The following ARHGEF3 variants were observed in gnomAD, a reference collection of about 807,000 sequenced individuals.
ARHGEF3 encodes the protein Rho guanine nucleotide exchange factor 3.
A neutral mutation model predicts 63.2 loss-of-function variants in ARHGEF3; 28 were observed. That is an observed-to-expected ratio of 0.44 (90% confidence interval 0.33 to 0.61). The LOEUF (loss-of-function observed/expected upper bound fraction) is 0.61. Ranked by LOEUF, ARHGEF3 falls within the 20% of genes least tolerant of loss-of-function variation. The pLI is 0.03. For synonymous variants in ARHGEF3, 266 were observed against 254.2 expected, an observed-to-expected ratio of 1.05 and a Z score of -0.44; for missense variants, 533 against 659.3, an observed-to-expected ratio of 0.81 and a Z score of 2.10.
chr3:56,738,651 G>C (rs1479181650), intron 7 of ARHGEF3, among the ~76,000 whole-genome samples: 1 of 152,216 alleles, frequency 6.6e-6, no homozygotes, highest in African/African-American at 2.4e-5. Context: ...GGTGGATGCA[G>C]TGTTGTCAAT....
intron 4 of ARHGEF3, among the ~76,000 whole-genome samples, chr3:56,809,524 A>G (rs1052284624): frequency 2.0e-5 from 3 of 152,096 alleles, no homozygotes; most frequent in Non-Finnish European, 4.4e-5. Context: ...CTCACTGAAG[A>G]TTTTGCAGTA....
chr3:56,823,987 A>G (rs1317959118), intron 4 of ARHGEF3, among the ~76,000 whole-genome samples: 6 of 3,054 alleles, frequency 2.0e-3, no homozygotes, highest in Non-Finnish European at 7.2e-3. Flanking sequence ...TGAGGAAAGG[A>G]AAAAAAAAAA....
chr3:57,047,012 C>A (rs1345730658), intron 1 of ARHGEF3, among the ~76,000 whole-genome samples: 1 of 152,146 alleles, frequency 6.6e-6, no homozygotes, highest in African/African-American at 2.4e-5. Flanking sequence ...ATTGCAAAAA[C>A]ATTTACAACA....
At chr3:56,769,196 A>G (rs2035875872) in intron 2 of ARHGEF3, among the ~76,000 whole-genome samples, 1 of 152,234 alleles carries the variant, frequency 6.6e-6, no homozygotes, top group Non-Finnish European at 1.5e-5. Context: ...ATTCCATAGC[A>G]TGTGCTGAAC....
At chr3:57,046,553 T>C (rs915919110) in intron 1 of ARHGEF3, among the ~76,000 whole-genome samples, 6 of 152,252 alleles carry the variant, frequency 3.9e-5, no homozygotes, top group Admixed American at 3.3e-4. Flanking sequence ...GGGAAAATCC[T>C]GCAGAGTTCA....
intron 4 of ARHGEF3, among the ~76,000 whole-genome samples, chr3:56,807,093 C>T (rs887422815): frequency 6.6e-6 from 1 of 152,092 alleles, no homozygotes; most frequent in Non-Finnish European, 1.5e-5. Context: ...CCATGTTGGC[C>T]AGGCTGGTCT....
chr3:57,020,243 G>T (rs6777008), intron 2 of ARHGEF3, among the ~76,000 whole-genome samples: 54,442 of 152,016 alleles, frequency 0.36, 10,520 homozygotes, highest in African/African-American at 0.5. Flanking sequence ...AAATCCTGAT[G>T]CTGTCACTGA....
At chr3:56,872,972 T>C (rs921790880) in intron 4 of ARHGEF3, among the ~76,000 whole-genome samples, 1 of 152,150 alleles carries the variant, frequency 6.6e-6, no homozygotes, top group Admixed American at 6.5e-5. Context: ...CTAAGTACTT[T>C]ACATAAATTA....
intron 1 of ARHGEF3, among the ~76,000 whole-genome samples, chr3:57,076,242 T>G (rs1470243789): frequency 4.7e-5 from 7 of 148,678 alleles, no homozygotes; most frequent in African/African-American, 1.7e-4. Context: ...TAACTTGGCC[T>G]TGAAGGGTTA....
chr3:56,953,534 C>T (rs919654504), intron 3 of ARHGEF3, among the ~76,000 whole-genome samples: 5 of 152,198 alleles, frequency 3.3e-5, no homozygotes, highest in Non-Finnish European at 7.4e-5. Context: ...CCCTTCCCCA[C>T]CTCAAGTGGC....
At position 56,801,722 on chromosome 3, in the gene ARHGEF3, C is replaced by T. The variant is rs775285206; in HGVS notation, c.77G>A (p.Gly26Asp). 1 of 1,563,158 alleles carries T rather than the reference C, an allele frequency of 6.4e-7. No individual in the cohort carries two copies. Among genetic ancestry groups the T allele is most frequent in the Non-Finnish European group, 8.7e-7 (1 of 1,152,544 alleles). The change falls in exon 1 of 10, where the codon GGT becomes GAT. Residue 26 changes from glycine to aspartate, a missense_variant. Gly to Asp is a moderately conservative substitution (Grantham distance 94). Coordinates refer to ENST00000296315, the MANE Select transcript of ARHGEF3 (RefSeq NM_019555.3). ...NCSLELPPAS[G>D]PAKDAEEPSN... ...CCCTACCTCAGCGTCCTTGGCCGGA[C>T]CGCTGGCCGGGGGTAGCTCCAGGCT... is the stretch of plus-strand genomic sequence containing the variant.
At chr3:57,075,318 C>T (rs1228059812) in intron 1 of ARHGEF3, 1 of 167,156 alleles carries the variant, frequency 6.0e-6, no homozygotes, top group South Asian at 2.1e-4. Flanking sequence ...GTAAACTCCA[C>T]AAGGGAGGAA....
intron 4 of ARHGEF3, among the ~76,000 whole-genome samples, chr3:56,807,861 T>C (rs2037918281): frequency 6.6e-6 from 1 of 152,102 alleles, no homozygotes; most frequent in African/African-American, 2.4e-5. Context: ...CAGTGGCTCA[T>C]GCCTGTAATC....
chr3:56,816,762 G>A (rs1175620489), intron 4 of ARHGEF3, among the ~76,000 whole-genome samples: 2 of 152,224 alleles, frequency 1.3e-5, no homozygotes, highest in Admixed American at 6.5e-5. Context: ...CAGCAGAGCT[G>A]GAGTTCAAAT....
At chr3:56,737,411 C>T (rs979081842) in intron 7 of ARHGEF3, 56 bp from the exon 8 acceptor site, 9 of 1,466,406 alleles carry the variant, frequency 6.1e-6, no homozygotes, top group Non-Finnish European at 8.4e-6. Context: ...CCATTCACAC[C>T]AAGTCTTAGG....
chr3:57,059,557 C>T (rs1705109746), intron 1 of ARHGEF3, among the ~76,000 whole-genome samples: 1 of 151,954 alleles, frequency 6.6e-6, no homozygotes, highest in Non-Finnish European at 1.5e-5. Context: ...AGTCCAGGCT[C>T]CTTAATCAGT....
intron 2 of ARHGEF3, among the ~76,000 whole-genome samples, chr3:57,002,548 ATGT>A (rs1400863822): frequency 8.6e-5 from 7 of 81,154 alleles, no homozygotes; most frequent in Non-Finnish European, 1.7e-4. Context: ...AATATATGTT[ATGT>A]TATATATATG....
At chr3:56,913,934 A>G (rs983773694) in intron 3 of ARHGEF3, among the ~76,000 whole-genome samples, 33 of 152,230 alleles carry the variant, frequency 2.2e-4, no homozygotes, top group Non-Finnish European at 8.8e-5. Flanking sequence ...ATACAATGGA[A>G]TACTACTCAG....
intron 4 of ARHGEF3, among the ~76,000 whole-genome samples, chr3:56,811,210 A>G (rs1470093302): frequency 6.6e-6 from 1 of 152,242 alleles, no homozygotes; most frequent in African/African-American, 2.4e-5. Context: ...TTGGGACTTG[A>G]TTTACAATCT....
Sources: allele counts gnomAD v4.1 joint callset (sites outside exome capture counted in the v4.1 genomes callset), GRCh38; gene constraint gnomAD v4.1.1; transcripts MANE v1.5; gene names NCBI Gene and HGNC (gene_info 2026-07-23, HGNC 2026-07-21).